The following OPCML variants were observed in gnomAD, a reference collection of about 807,000 sequenced individuals.
OPCML encodes the protein opioid binding protein/cell adhesion molecule like.
A neutral mutation model predicts 37.8 loss-of-function variants in OPCML; 13 were observed. The ratio of observed to expected loss-of-function variants is 0.34; its 90% CI spans 0.22 to 0.55. OPCML has a LOEUF of 0.55. OPCML is among the 20% of genes least tolerant of loss of function. The pLI, the probability that OPCML is intolerant of heterozygous loss-of-function variation, is 0.91. For synonymous variants in OPCML, 176 were observed against 168.8 expected, an observed-to-expected ratio of 1.04 and a Z score of -0.33; for missense variants, 341 against 435.6, an observed-to-expected ratio of 0.78 and a Z score of 1.93.
intron 1 of OPCML, among the ~76,000 whole-genome samples, chr11:133,040,034 A>C (rs1163001041): frequency 1.3e-5 from 2 of 151,788 alleles, no homozygotes; most frequent in East Asian, 3.9e-4. Flanking sequence ...ATCTCAAAAA[A>C]AAAAAGATGG....
intron 3 of OPCML, among the ~76,000 whole-genome samples, chr11:132,599,338 G>C (rs1434462630): frequency 1.3e-5 from 2 of 149,826 alleles, no homozygotes; most frequent in African/African-American, 4.9e-5. Context: ...GAAGGAGGAG[G>C]AGGAGGAGGA....
intron 2 of OPCML, among the ~76,000 whole-genome samples, chr11:132,807,612 T>C (rs2136217929): frequency 6.6e-6 from 1 of 152,286 alleles, no homozygotes; most frequent in East Asian, 1.9e-4. Context: ...TTCCTCTCCC[T>C]CCATCTCTGA....
At chr11:133,293,537 T>C (rs1942540285) in intron 1 of OPCML, among the ~76,000 whole-genome samples, 1 of 152,132 alleles carries the variant, frequency 6.6e-6, no homozygotes, top group South Asian at 2.1e-4. Context: ...TAACTAAATG[T>C]GTAGCATCTC....
chr11:133,310,719 G>C (rs1208534015), intron 1 of OPCML, among the ~76,000 whole-genome samples: 2 of 152,096 alleles, frequency 1.3e-5, no homozygotes, highest in African/African-American at 2.4e-5. Context: ...CAGGTGGAAT[G>C]AGTCAACCCA....
chr11:133,220,185 G>A (rs943634513), intron 1 of OPCML, among the ~76,000 whole-genome samples: 1 of 152,156 alleles, frequency 6.6e-6, no homozygotes, highest in African/African-American at 2.4e-5. Context: ...TACATTGGGA[G>A]CCCAGGCAGG....
chr11:132,863,138 G>T (rs182526701), intron 2 of OPCML, among the ~76,000 whole-genome samples: 1 of 152,136 alleles, frequency 6.6e-6, no homozygotes, highest in East Asian at 1.9e-4. Flanking sequence ...GGCATGGGGC[G>T]TGATCAGACC....
chr11:132,663,934 G>A (rs1275228013), intron 2 of OPCML, among the ~76,000 whole-genome samples: 1 of 152,118 alleles, frequency 6.6e-6, no homozygotes, highest in Non-Finnish European at 1.5e-5. Flanking sequence ...CCGGGTTCAC[G>A]CCATTCTCCC....
chr11:132,442,864 C>G (rs183199856), intron 4 of OPCML, among the ~76,000 whole-genome samples: 37 of 152,292 alleles, frequency 2.4e-4, no homozygotes, highest in Non-Finnish European at 4.0e-4. Flanking sequence ...GATTAAACCT[C>G]TTTGCTTTAT....
chr11:133,457,261 A>G (rs551044703), intron 1 of OPCML, among the ~76,000 whole-genome samples: 1 of 152,286 alleles, frequency 6.6e-6, no homozygotes, highest in Non-Finnish European at 1.5e-5. Flanking sequence ...GGTTGGGTAC[A>G]GTGGCTTATC....
At chr11:133,015,471 G>T (rs1421808269) in intron 1 of OPCML, among the ~76,000 whole-genome samples, 1 of 148,744 alleles carries the variant, frequency 6.7e-6, no homozygotes, top group African/African-American at 2.5e-5. Context: ...AAGGAAGGAA[G>T]GAAGGAATGA....
chr11:133,115,343 T>G (rs1027989805), intron 1 of OPCML, among the ~76,000 whole-genome samples: 2 of 152,206 alleles, frequency 1.3e-5, no homozygotes, highest in Admixed American at 1.3e-4. Flanking sequence ...GCAAGCCCAC[T>G]GCTCATGCTT....
intron 1 of OPCML, among the ~76,000 whole-genome samples, chr11:133,136,828 CGTGTGTGTGTGTGTGTGTGTGTGT>C (rs141952561): frequency 4.0e-5 from 5 of 126,372 alleles, no homozygotes; most frequent in South Asian, 2.9e-4. Context: ...TCTATGTGCA[CGTGTGTGTGTGTGTGTGTGTGTGT>C]GTGTGTGTGT....
At chr11:132,451,603 T>G (rs1437384487) in intron 4 of OPCML, among the ~76,000 whole-genome samples, 1 of 152,116 alleles carries the variant, frequency 6.6e-6, no homozygotes, top group African/African-American at 2.4e-5. Flanking sequence ...CATTCCTGTT[T>G]AGGAGCACTG....
chr11:133,155,083 A>C (rs1464434363), intron 1 of OPCML, among the ~76,000 whole-genome samples: 1 of 152,038 alleles, frequency 6.6e-6, no homozygotes, highest in Non-Finnish European at 1.5e-5. Flanking sequence ...TGCTACTGGG[A>C]AGGTCTCTTA....
intron 1 of OPCML, chr11:133,360,573 A>G (rs7952202): frequency 0.25 from 37,860 of 152,018 alleles, 5,909 homozygotes; most frequent in African/African-American, 0.44. Flanking sequence ...GGCTGATAGA[A>G]ATGAAGGAAG....
In OPCML at chr11:132,944,022, C is replaced by G. The variant is rs534971564; in HGVS notation, c.62-1012G>C. Among the ~76,000 whole-genome samples the G allele has an allele frequency of 5.9e-5, 9 of 151,920 alleles. No individual in the cohort carries two copies. The South Asian group carries it at 1.9e-3, about 31-fold the overall frequency. ...GCGGGCTGGCGGGCGGCGCGGACTG[C>G]GCGCTCATCCCGACGGGCGGGCGCC... On this transcript the variant is annotated intron_variant, in intron 1 of 7. Coordinates refer to ENST00000524381, the MANE Select transcript of OPCML (RefSeq NM_001012393.5).
chr11:133,440,221 AC>A (rs983757116), intron 1 of OPCML, among the ~76,000 whole-genome samples: 3 of 151,578 alleles, frequency 2.0e-5, no homozygotes, highest in Non-Finnish European at 2.9e-5. Flanking sequence ...TAATGGCGAA[AC>A]CCCATCTCTA....
chr11:132,442,357 C>T lies in OPCML; in HGVS notation c.506-4998G>A, dbSNP rs2096038910. 2.0e-5 allele frequency among the ~76,000 whole-genome samples: 3 copies of T among 152,284 alleles called. No homozygotes were observed. In the South Asian group the frequency reaches 6.2e-4, roughly 32 times the overall value. ...CAAAATATGGGGGCTTCCTGACCGA[C>T]TTCTCTTTTCTTTCTCCCTTTATGT... On this transcript the variant is annotated intron_variant, in intron 4 of 7. Transcript: ENST00000524381.
chr11:133,461,292 T>C (rs1470777732), intron 1 of OPCML, among the ~76,000 whole-genome samples: 1 of 151,898 alleles, frequency 6.6e-6, no homozygotes, highest in Non-Finnish European at 1.5e-5. Flanking sequence ...TTATCTTTGG[T>C]TGTCGATGAC....
Sources: allele counts gnomAD v4.1 joint callset (sites outside exome capture counted in the v4.1 genomes callset), GRCh38; gene constraint gnomAD v4.1.1; transcripts MANE v1.5; gene names NCBI Gene and HGNC (gene_info 2026-07-23, HGNC 2026-07-21).